Variants in LRRCC1 observed in about 807,000 individuals in gnomAD.
LRRCC1 encodes the protein leucine-rich repeat and coiled-coil domain-containing protein 1.
A neutral mutation model predicts 126.0 loss-of-function variants in LRRCC1; 115 were observed. The observed-to-expected ratio is 0.91, with a 90% confidence interval of 0.78 to 1.07. The LOEUF (loss-of-function observed/expected upper bound fraction) is 1.07, where lower values mean the gene tolerates loss of function less well. Ranked by LOEUF, LRRCC1 falls within the 50% of genes least tolerant of loss-of-function variation. The pLI is 0.00. For missense variants in LRRCC1, 1,172 were observed against 1,175.7 expected (o/e 1.00, Z 0.05); for synonymous variants, 400 against 393.4 (o/e 1.02, Z -0.20).
rs1810961204 is a variant in LRRCC1, at chr8:85,137,566, C to T, written c.2432C>T (p.Ala811Val). ...AAGACAAATGAAAGTGATAGTGATG[C>T]ATTAAGAATAAAGTGCAAAATCATA... is the stretch of plus-strand genomic sequence containing the variant. The part of the protein sequence containing the change: ...LRKTNESDSD[A>V]LRIKCKIIDD... Residue 811 changes from alanine (A) to valine (V), a missense_variant, in exon 15 of 19, where the codon GCA becomes GTA. Coordinates refer to ENST00000360375, the MANE Select transcript of LRRCC1 (RefSeq NM_033402.5). The T allele has an allele frequency of 6.5e-7, 1 of 1,541,110 alleles. No homozygotes were observed. The highest frequency in any genetic ancestry group is 8.7e-7 in the Non-Finnish European group (1 of 1,148,030).
intron 14 of LRRCC1, among the ~76,000 whole-genome samples, chr8:85,136,518 G>A (rs994296972): frequency 6.6e-6 from 1 of 151,876 alleles, no homozygotes; most frequent in African/African-American, 2.4e-5. Context: ...CAGGTGATCC[G>A]CCCACCTTGG....
chr8:85,115,546 C>T lies in LRRCC1; in HGVS notation c.892C>T (p.Gln298Ter). 6.2e-7 allele frequency: 1 copy of T among 1,612,374 alleles called. No individual in the cohort carries two copies. The highest frequency in any genetic ancestry group is 8.5e-7 in the Non-Finnish European group (1 of 1,178,952). Residue 298 changes from glutamine (Q) to a stop codon, truncating the protein, a stop_gained, in exon 6 of 19, where the codon CAG becomes TAG. Transcript: ENST00000360375. LOFTEE classifies it high-confidence loss of function. ...ENDLQNEIKL[Q>*]KLDDQILQLL... ...CGATTTGCAGAATGAGATAAAACTT[C>T]AGAAATTAGATGACCAAATTCTACA...
chr8:85,123,268 G>A (rs1473441597), intron 6 of LRRCC1, 145 bp from the exon 7 acceptor site: 2 of 562,840 alleles, frequency 3.6e-6, no homozygotes, highest in East Asian at 6.6e-5. Flanking sequence ...CATACCAGAA[G>A]CTGAATTCCC....
At chr8:85,130,381 A>G (rs1447211687) in intron 11 of LRRCC1, among the ~76,000 whole-genome samples, 1 of 151,222 alleles carries the variant, frequency 6.6e-6, no homozygotes, top group Admixed American at 6.6e-5. Flanking sequence ...TGACCTCATG[A>G]TCTGCCCCAC....
At chr8:85,121,822 A>G (rs1210993427) in intron 6 of LRRCC1, among the ~76,000 whole-genome samples, 1 of 152,222 alleles carries the variant, frequency 6.6e-6, no homozygotes, top group Non-Finnish European at 1.5e-5. Flanking sequence ...TAGAGTTAAT[A>G]CTGTATCACT....
At chr8:85,137,389 A>C in intron 14 of LRRCC1, 75 bp from the exon 15 acceptor site, 1 of 840,652 alleles carries the variant, frequency 1.2e-6, no homozygotes, top group Non-Finnish European at 1.8e-6. Context: ...ATTATATTAC[A>C]GTTTGTTAGA....
intron 6 of LRRCC1, among the ~76,000 whole-genome samples, chr8:85,116,505 T>G (rs1179694501): frequency 2.0e-5 from 3 of 152,088 alleles, no homozygotes; most frequent in African/African-American, 7.2e-5. Flanking sequence ...CCTGCGTAGC[T>G]GGGACTACAG....
chr8:85,121,405 A>G (rs534747216), intron 6 of LRRCC1, among the ~76,000 whole-genome samples: 1 of 150,848 alleles, frequency 6.6e-6, no homozygotes, highest in East Asian at 1.9e-4. Context: ...TTTAGAATTC[A>G]GTTTTTTTTG....
At chr8:85,127,606 G>C (rs1271870164) in intron 9 of LRRCC1, among the ~76,000 whole-genome samples, 4 of 152,142 alleles carry the variant, frequency 2.6e-5, no homozygotes, top group African/African-American at 9.7e-5. Flanking sequence ...ATTTGGATAA[G>C]TTGATGTACA....
chr8:85,131,402 C>T (rs1038050505), intron 11 of LRRCC1, among the ~76,000 whole-genome samples: 3 of 152,140 alleles, frequency 2.0e-5, no homozygotes, highest in African/African-American at 7.2e-5. Flanking sequence ...TAACAAACCA[C>T]CAGTGCTAAT....
chr8:85,110,124 A>T lies in LRRCC1; in HGVS notation c.320A>T (p.Glu107Val). The T allele has an allele frequency of 7.9e-7, 1 of 1,260,880 alleles. No individual in the cohort carries two copies. The highest frequency in any genetic ancestry group is 1.1e-6 in the Non-Finnish European group (1 of 902,086). The allele number at this position is 1,260,880 out of a possible 1,614,324, so 78.1% of individuals were successfully genotyped here. A position where few individuals can be genotyped will look rare whatever the true frequency, so the allele number is the denominator to read the frequency against. The change falls in exon 3 of 19, where the codon GAA becomes GTA. Residue 107 changes from glutamate to valine, a missense_variant. Transcript: ENST00000360375. Reference protein sequence around the residue: ...NLITKVEGLEELINLTRLNVS... With the variant: ...NLITKVEGLEVLINLTRLNVS... ...TACTTTTTTTTTTTAGGACTTGAAG[A>T]ACTAATTAATCTGACTAGACTAAAT...
chr8:85,111,557 A>G (rs1250021135), intron 3 of LRRCC1, among the ~76,000 whole-genome samples: 1 of 152,218 alleles, frequency 6.6e-6, no homozygotes, highest in Non-Finnish European at 1.5e-5. Context: ...TATAGTGATG[A>G]AAAAACTAAC....
chr8:85,108,123 G>A (rs1808409259), intron 1 of LRRCC1, among the ~76,000 whole-genome samples: 1 of 152,176 alleles, frequency 6.6e-6, no homozygotes, highest in Non-Finnish European at 1.5e-5. Context: ...CTGAGCTACA[G>A]GCAATTCCAT....
rs760950636 is a variant in LRRCC1 at position 85,113,081 on chromosome 8, C to G, written c.526C>G (p.Pro176Ala). The change falls in exon 4 of 19, where the codon CCT becomes GCT. Residue 176 changes from proline to alanine, a missense_variant. Transcript: ENST00000360375. ...LILEKDGDDN[P>A]VCRLPGYRAV... ...TTTGGAGAAAGATGGAGACGATAAT[C>G]CTGTCTGTCGACTGCCAGGTATGAA... 6.2e-7 allele frequency: 1 copy of G among 1,609,858 alleles called. No homozygotes were observed. The highest frequency in any genetic ancestry group is 2.2e-5 in the East Asian group (1 of 44,806).
chr8:85,110,568 T>C (rs1473159678), intron 3 of LRRCC1, among the ~76,000 whole-genome samples: 1 of 152,238 alleles, frequency 6.6e-6, no homozygotes, highest in Admixed American at 6.5e-5. Flanking sequence ...AATGTGGTTA[T>C]TGAGCACTTG....
At chr8:85,109,904 A>G (rs765974484) in intron 2 of LRRCC1, 104 bp downstream of exon 2, 3 of 659,730 alleles carry the variant, frequency 4.5e-6, no homozygotes, top group Non-Finnish European at 5.0e-6. Context: ...TTAAAAATTG[A>G]GTCTGAAACT....
rs763549008 is a variant in LRRCC1, at chr8:85,123,569, A to AT, written c.1089dup (p.Lys364Ter). The AT allele has an allele frequency of 2.3e-5, 36 of 1,590,474 alleles. No homozygotes were observed. The highest frequency in any genetic ancestry group is 2.6e-6 in the Non-Finnish European group (3 of 1,174,148). On this transcript the variant is annotated frameshift_variant, in exon 7 of 19. Coordinates refer to ENST00000360375, the MANE Select transcript of LRRCC1 (RefSeq NM_033402.5). LOFTEE classifies it high-confidence loss of function. Reference sequence around the variant, plus strand: ...TTATGATGCCAAAACCATTCAAACTATTAAGCACCACAATAAAAACTACAA... The same window carrying AT: ...TTATGATGCCAAAACCATTCAAACTATTTAAGCACCACAATAAAAACTACAA...
At chr8:85,138,913 G>A (rs997859630) in intron 17 of LRRCC1, among the ~76,000 whole-genome samples, 1 of 152,078 alleles carries the variant, frequency 6.6e-6, no homozygotes, top group African/African-American at 2.4e-5. Flanking sequence ...AGGCGTGGTG[G>A]CAAGCGCCTG....
At position 85,125,670 on chromosome 8, in the gene LRRCC1, CAAAA is replaced by C. The variant is rs71273921; in HGVS notation, c.1272+747_1272+750del. ...CCTGGGCGACAGAGCGAGACTCCGT[CAAAA>C]AAAAAAAAAAAAAAAGAGGTGTTCA... On this transcript the variant is annotated intron_variant, in intron 8 of 18. Coordinates refer to ENST00000360375, the MANE Select transcript of LRRCC1 (RefSeq NM_033402.5). Among the ~76,000 whole-genome samples the C allele has an allele frequency of 2.1e-3, 111 of 51,928 alleles. 1 individual carries two copies. Among genetic ancestry groups the C allele is most frequent in the East Asian group, 0.016 (32 of 2,052 alleles). 34.1% of individuals were successfully genotyped at this position (51,928 alleles called of 152,430 possible). A position where few individuals can be genotyped will look rare whatever the true frequency, so the allele number is the denominator to read the frequency against.
Sources: gnomAD v4.1 joint callset for allele counts (sites outside exome capture counted in the v4.1 genomes callset) on GRCh38, gnomAD v4.1.1 for gene constraint, MANE v1.5 for transcripts, NCBI Gene and HGNC (gene_info 2026-07-23, HGNC 2026-07-21) for gene names.